ESRRB: variants seen among roughly 807,000 people sequenced by gnomAD.
The protein encoded by ESRRB is estrogen related receptor beta.
Under a neutral mutation model 46.0 loss-of-function variants are expected in ESRRB, and 16 were observed. That is an observed-to-expected ratio of 0.35 (90% CI 0.24 to 0.53). The LOEUF is 0.53. Ranked by LOEUF, ESRRB falls within the 20% of genes least tolerant of loss-of-function variation. The pLI, the probability that ESRRB is intolerant of heterozygous loss-of-function variation, is 0.93. For synonymous variants in ESRRB, 246 were observed against 259.6 expected (o/e 0.95, Z 0.50); for missense variants, 488 against 607.4 (o/e 0.80, Z 2.07).
chr14:76,401,896 C>G (rs1415431271), intron 1 of ESRRB, among the ~76,000 whole-genome samples: 5 of 152,142 alleles, frequency 3.3e-5, no homozygotes, highest in African/African-American at 1.2e-4. Flanking sequence ...ATTATGGAAG[C>G]CGACAAGTCC....
At chr14:76,370,929 GA>G (rs1182379843), upstream of ESRRB, among the ~76,000 whole-genome samples, 7 of 152,020 alleles carry the variant, frequency 4.6e-5, no homozygotes, top group Non-Finnish European at 1.0e-4. Flanking sequence ...TTGAGGCTCA[GA>G]AAAAAGAAAA....
intron 1 of ESRRB, among the ~76,000 whole-genome samples, chr14:76,396,288 A>T (rs755971999): frequency 4.6e-5 from 7 of 152,202 alleles, no homozygotes; most frequent in Non-Finnish European, 1.0e-4. Flanking sequence ...AAAATCAAGT[A>T]GCTGGACAGT....
chr14:76,422,660 A>C (rs10147540), intron 1 of ESRRB, among the ~76,000 whole-genome samples: 4 of 152,114 alleles, frequency 2.6e-5, no homozygotes, highest in African/African-American at 9.7e-5. Flanking sequence ...CAGGTGCCCA[A>C]TGCTTCACAT....
intron 1 of ESRRB, among the ~76,000 whole-genome samples, chr14:76,317,971 C>T (rs1883821903): frequency 1.3e-5 from 2 of 152,168 alleles, no homozygotes; most frequent in South Asian, 2.1e-4. Flanking sequence ...GCTTTAGCAT[C>T]ATTCTCCTTG....
At chr14:76,456,539 G>A (rs1284775492) in intron 2 of ESRRB, among the ~76,000 whole-genome samples, 1 of 152,170 alleles carries the variant, frequency 6.6e-6, no homozygotes, top group Non-Finnish European at 1.5e-5. Context: ...AGGATGAAAA[G>A]GATCTTAGGG....
chr14:76,312,591 C>T (rs919135206), intron 1 of ESRRB, among the ~76,000 whole-genome samples: 4 of 150,976 alleles, frequency 2.6e-5, no homozygotes, highest in Non-Finnish European at 2.9e-5. Flanking sequence ...ACGGTGAAGT[C>T]TAAGAACTCC....
At chr14:76,460,709 A>ATTTTTTTTT (rs58597850) in intron 2 of ESRRB, among the ~76,000 whole-genome samples, 23,885 of 140,722 alleles carry the variant, frequency 0.17, 2,257 homozygotes, top group Middle Eastern at 0.22. Context: ...TTCCAGTTAC[A>ATTTTTTTTT]TTTTTTTTTG....
chr14:76,336,461 A>G (rs1252072169), intron 1 of ESRRB, among the ~76,000 whole-genome samples: 1 of 152,250 alleles, frequency 6.6e-6, no homozygotes, highest in Non-Finnish European at 1.5e-5. Flanking sequence ...AGAAAGGCCC[A>G]TGACCTTGCC....
rs531660015 is a variant in ESRRB, at chr14:76,382,336, G to T, written c.50+5885G>T. ...GCCTTGGGATTGGTTCGTCCATGGT[G>T]CAAAGGGGACTGCAGGGGCACCTGC... On this transcript the variant is annotated intron_variant, in intron 1 of 6. Transcript: ENST00000644823. 2.6e-5 allele frequency among the ~76,000 whole-genome samples: 4 copies of T among 152,360 alleles called. No homozygotes were observed. The East Asian group carries it at 5.8e-4, about 22-fold the overall frequency.
chr14:76,430,617 G>A (rs1264158497), intron 1 of ESRRB, among the ~76,000 whole-genome samples: 4 of 152,162 alleles, frequency 2.6e-5, no homozygotes, highest in African/African-American at 9.7e-5. Context: ...TGCCTTCATT[G>A]GCTCTTGCTC....
At chr14:76,474,984 T>G (rs1432780942) in intron 3 of ESRRB, among the ~76,000 whole-genome samples, 3 of 150,540 alleles carry the variant, frequency 2.0e-5, no homozygotes, top group Non-Finnish European at 4.4e-5. Context: ...ATCCCAGCAC[T>G]TTGGGAGGCT....
chr14:76,440,699 C>CTT (rs1566900334), intron 2 of ESRRB, among the ~76,000 whole-genome samples: 4 of 149,934 alleles, frequency 2.7e-5, no homozygotes, highest in African/African-American at 1.0e-4. Flanking sequence ...CTCTCACTCT[C>CTT]TTTCTTTTTC....
upstream of ESRRB, among the ~76,000 whole-genome samples, chr14:76,372,538 GA>G (rs909191948): frequency 2.0e-5 from 3 of 152,144 alleles, no homozygotes; most frequent in Admixed American, 1.3e-4. Context: ...GAGGGAGTAG[GA>G]AAAGCAGAGT....
chr14:76,365,480 A>AAAACAAAC (rs145410460), intron 1 of ESRRB, among the ~76,000 whole-genome samples: 5 of 151,988 alleles, frequency 3.3e-5, no homozygotes, highest in East Asian at 1.9e-4. Flanking sequence ...TCCTGTCTCC[A>AAAACAAAC]AAACAAACAA....
intron 1 of ESRRB, among the ~76,000 whole-genome samples, chr14:76,425,215 T>G (rs1315906647): frequency 1.3e-5 from 2 of 152,032 alleles, no homozygotes; most frequent in African/African-American, 4.8e-5. Context: ...CTGTAGGTCA[T>G]GAGGGGTGGG....
Position 76,415,465 on chromosome 14 carries a change from G to T in ESRRB, c.51-23876G>T, listed in dbSNP as rs575571998. 2.5e-4 allele frequency among the ~76,000 whole-genome samples: 38 copies of T among 152,212 alleles called. No individual in the cohort carries two copies. In the Middle Eastern group the frequency reaches 0.01, roughly 41 times the overall value. On this transcript the variant is annotated intron_variant, in intron 1 of 6. Transcript: ENST00000644823. ...TCACGAGGTCAGGAGTTTGAGACCA[G>T]CCTGGCCAACGTGGTAAAACCCTGT...
At chr14:76,490,919 T>C (rs763222275) in intron 5 of ESRRB, among the ~76,000 whole-genome samples, 1 of 152,164 alleles carries the variant, frequency 6.6e-6, no homozygotes, top group Non-Finnish European at 1.5e-5. Flanking sequence ...CCTGTGGCTT[T>C]GAACAGCTGC....
At chr14:76,399,761 C>A (rs1420774722) in intron 1 of ESRRB, among the ~76,000 whole-genome samples, 2 of 152,128 alleles carry the variant, frequency 1.3e-5, no homozygotes, top group African/African-American at 2.4e-5. Flanking sequence ...GGAAGAGATG[C>A]CCAGGGTGAC....
chr14:76,359,939 G>GT (rs542736850), intron 1 of ESRRB, among the ~76,000 whole-genome samples: 6 of 152,336 alleles, frequency 3.9e-5, no homozygotes, highest in Admixed American at 3.3e-4. Flanking sequence ...GGCAGATCCT[G>GT]TCTTCAGGTA....
Sources: allele counts gnomAD v4.1 joint callset (sites outside exome capture counted in the v4.1 genomes callset), GRCh38; gene constraint gnomAD v4.1.1; transcripts MANE v1.5; gene names NCBI Gene and HGNC (gene_info 2026-07-23, HGNC 2026-07-21).